The following AIG1 variants were observed in gnomAD, a reference collection of about 807,000 sequenced individuals.
AIG1 encodes the protein androgen induced 1.
AIG1 carries 23 observed loss-of-function variants against 31.4 expected under a neutral mutation model. That is an observed-to-expected ratio of 0.73 (90% CI 0.53 to 1.04). The LOEUF (loss-of-function observed/expected upper bound fraction) is 1.04, where lower values mean the gene tolerates loss of function less well. Among genes scored for constraint, AIG1 ranks in the 50% least tolerant of loss-of-function variants. AIG1 has a pLI of 0.00. For missense variants in AIG1, 274 were observed against 295.0 expected (o/e 0.93, Z 0.52); for synonymous variants, 100 against 110.5 (o/e 0.90, Z 0.60).
chr6:143,296,572 C>A (rs1053754049), intron 4 of AIG1, among the ~76,000 whole-genome samples: 2 of 151,962 alleles, frequency 1.3e-5, no homozygotes, highest in African/African-American at 4.8e-5. Context: ...GAAACCAGTC[C>A]CCAGGCATTT....
rs1234451080 is a variant in AIG1 at position 143,284,045 on chromosome 6, T to A, written c.400-65T>A. The A allele has an allele frequency of 7.3e-6, 9 of 1,238,828 alleles. No homozygotes were observed. Among genetic ancestry groups the A allele is most frequent in the African/African-American group, 1.5e-5 (1 of 67,144 alleles). The allele number at this position is 1,238,828 out of a possible 1,614,324, so 76.7% of individuals were successfully genotyped here. ...TTTATAGTGTGCATTCTCCTACTGGTGAAAAAACAACTATAGAGAGACAAT... is the reference window on the plus strand; with the variant it reads ...TTTATAGTGTGCATTCTCCTACTGGAGAAAAAACAACTATAGAGAGACAAT... On this transcript the variant is annotated intron_variant, in intron 3 of 5. Transcript: ENST00000357847. The surrounding 1 kb of genome is among the most constrained non-coding windows in gnomAD (Gnocchi z 4.4).
At position 143,211,308 on chromosome 6, in the gene AIG1, G is replaced by A. The variant is rs557765780; in HGVS notation, c.399+46125G>A. ...ACACCAGATCCAGTCGTTTGCTGTGGGAGATTTATATTCTAGTAGAGGAGG... is the reference window on the plus strand; with the variant it reads ...ACACCAGATCCAGTCGTTTGCTGTGAGAGATTTATATTCTAGTAGAGGAGG... On this transcript the variant is annotated intron_variant, in intron 3 of 5. Transcript: ENST00000357847. 2.0e-5 allele frequency among the ~76,000 whole-genome samples: 3 copies of A among 152,204 alleles called. No homozygotes were observed. In the South Asian group the frequency reaches 6.2e-4, roughly 32 times the overall value.
intron 1 of AIG1, among the ~76,000 whole-genome samples, chr6:143,112,249 G>A (rs1781337085): frequency 6.6e-6 from 1 of 152,140 alleles, no homozygotes; most frequent in Non-Finnish European, 1.5e-5. Context: ...GCCCAGAACA[G>A]TCACATCTCT....
chr6:143,306,943 C>T (rs1306029734), intron 4 of AIG1, among the ~76,000 whole-genome samples: 1 of 152,176 alleles, frequency 6.6e-6, no homozygotes, highest in Non-Finnish European at 1.5e-5. Flanking sequence ...CGCTTCATTT[C>T]ATTCATTTCA....
At position 143,086,965 on chromosome 6, in the gene AIG1, C is replaced by T. The variant is rs192137562; in HGVS notation, c.141+25899C>T. Among the ~76,000 whole-genome samples, 235 of 152,258 alleles carry T rather than the reference C, an allele frequency of 1.5e-3. 2 individuals are homozygous for T. The highest frequency in any genetic ancestry group is 5.6e-3 in the Admixed American group (85 of 15,298). ...GCTTCCCCCAGAAAAATTGTGAAAG[C>T]GGAAGCTGGTTCCAGGCAGACCAAC... On this transcript the variant is annotated intron_variant, in intron 1 of 5. Coordinates refer to ENST00000357847, the MANE Select transcript of AIG1 (RefSeq NM_016108.4).
intron 1 of AIG1, among the ~76,000 whole-genome samples, chr6:143,082,402 G>GTTA (rs978674804): frequency 1.1e-4 from 16 of 152,222 alleles, no homozygotes; most frequent in African/African-American, 3.9e-4. Context: ...CTTGTTGCCA[G>GTTA]TTATGTTCTA....
intron 4 of AIG1, among the ~76,000 whole-genome samples, chr6:143,310,590 A>G (rs186757717): frequency 6.6e-6 from 1 of 151,716 alleles, no homozygotes; most frequent in East Asian, 1.9e-4. Flanking sequence ...AAAAGTAAGA[A>G]GAAGAAATGA....
In AIG1 at chr6:143,333,338, T is replaced by C. The variant is rs753329173; in HGVS notation, c.572T>C (p.Ile191Thr). 13 of 1,613,816 alleles carry C rather than the reference T, an allele frequency of 8.1e-6. No individual in the cohort carries two copies. In the East Asian group the frequency reaches 8.9e-5, roughly 11 times the overall value. ...TGGGTGTACCCTTTCCTGGAACACATTGGCCCAGGAGCCAGAATCATCTTC... is the reference window on the plus strand; with the variant it reads ...TGGGTGTACCCTTTCCTGGAACACACTGGCCCAGGAGCCAGAATCATCTTC... ...GMWVYPFLEH[I>T]GPGARIIFFG... The change falls in exon 5 of 6, where the codon ATT becomes ACT. Residue 191 changes from isoleucine (I) to threonine (T), a missense_variant. This residue lies in a region of AIG1 where 31 missense variants were observed against 56.5 expected (regional missense o/e 0.55). Coordinates refer to ENST00000357847, the MANE Select transcript of AIG1 (RefSeq NM_016108.4). The surrounding 1 kb of genome is among the most constrained non-coding windows in gnomAD (Gnocchi z 4.6).
chr6:143,255,187 G>A (rs981563264), intron 3 of AIG1, among the ~76,000 whole-genome samples: 3 of 152,218 alleles, frequency 2.0e-5, no homozygotes, highest in Admixed American at 6.5e-5. Context: ...GGGGCCTGCA[G>A]TTAGCAACAA....
chr6:143,124,283 TG>T (rs1448182604), intron 1 of AIG1, among the ~76,000 whole-genome samples: 2 of 152,214 alleles, frequency 1.3e-5, no homozygotes, highest in Non-Finnish European at 2.9e-5. Context: ...TGTTTTCAGC[TG>T]CTGCCCCACT....
intron 1 of AIG1, chr6:143,126,148 A>G (rs537301773): frequency 6.6e-6 from 1 of 152,364 alleles, no homozygotes; most frequent in African/African-American, 2.4e-5. Flanking sequence ...CAGTCAGGCT[A>G]ACCCGCTCCA....
At chr6:143,335,091 G>T in intron 5 of AIG1, 1 of 1,448,864 alleles carries the variant, frequency 6.9e-7, no homozygotes, top group Non-Finnish European at 9.1e-7. Context: ...CATCTAGTTA[G>T]TTCCACAAAG....
chr6:143,147,427 C>A (rs999748814), intron 2 of AIG1, among the ~76,000 whole-genome samples: 1 of 152,140 alleles, frequency 6.6e-6, no homozygotes, highest in Non-Finnish European at 1.5e-5. Context: ...CTAAGGACAT[C>A]TCCCCTCCCC....
chr6:143,251,525 A>G (rs1795013317), intron 3 of AIG1, among the ~76,000 whole-genome samples: 1 of 118,582 alleles, frequency 8.4e-6, no homozygotes, highest in Non-Finnish European at 1.6e-5. Context: ...GGCCTGGGGT[A>G]GAGGGTAACA....
At chr6:143,189,218 A>G (rs1219970511) in intron 3 of AIG1, 1 of 439,490 alleles carries the variant, frequency 2.3e-6, no homozygotes, top group Non-Finnish European at 3.0e-6. Context: ...TACTTTTTTA[A>G]AAATTTTTTT....
Position 143,114,010 on chromosome 6 carries a change from G to A in AIG1, c.142-22825G>A, listed in dbSNP as rs564602581. Among the ~76,000 whole-genome samples, 11 of 152,218 alleles carry A rather than the reference G, an allele frequency of 7.2e-5. No homozygotes were observed. In the East Asian group the frequency reaches 1.2e-3, roughly 16 times the overall value. On this transcript the variant is annotated intron_variant, in intron 1 of 5. Coordinates refer to ENST00000357847, the MANE Select transcript of AIG1 (RefSeq NM_016108.4). ...AGGATGGTCTTGATCTTCTGACCTC[G>A]TGATCCGCCTGCCTCGACCTCCCAA...
rs1482009799 is a variant in AIG1 at position 143,291,949 on chromosome 6, G to T, written c.515+7724G>T. Among the ~76,000 whole-genome samples, 2 of 152,192 alleles carry T rather than the reference G, an allele frequency of 1.3e-5. No homozygotes were observed. ...CACTTTGGCCAATGTGTTAAGAGTG[G>T]ATTGAAGGCAAGGGTAGAACAAGGA... On this transcript the variant is annotated intron_variant, in intron 4 of 5. Coordinates refer to ENST00000357847, the MANE Select transcript of AIG1 (RefSeq NM_016108.4). This position sits in a 1 kb window ranked among gnomAD's most constrained non-coding sequence, Gnocchi z 4.2.
chr6:143,102,610 CA>C (rs1031347563), intron 1 of AIG1, among the ~76,000 whole-genome samples: 13 of 148,316 alleles, frequency 8.8e-5, no homozygotes, highest in Middle Eastern at 3.6e-3. Flanking sequence ...GAACATATCC[CA>C]GGGGAGATTA....
intron 3 of AIG1, chr6:143,189,391 A>G (rs1216766898): frequency 2.0e-6 from 2 of 979,340 alleles, no homozygotes; most frequent in Non-Finnish European, 2.4e-6. Flanking sequence ...CCCTGCTCAC[A>G]TTTTATATAG....
Sources: allele counts gnomAD v4.1 joint callset (sites outside exome capture counted in the v4.1 genomes callset), GRCh38; gene constraint gnomAD v4.1.1; regional missense constraint gnomAD v4.1.1; non-coding constraint Gnocchi (gnomAD v3.1); transcripts MANE v1.5; gene names NCBI Gene and HGNC (gene_info 2026-07-23, HGNC 2026-07-21).